The following WDR25 variants were observed in gnomAD, a reference collection of about 807,000 sequenced individuals.
WDR25 encodes WD repeat domain 25, also known as WD repeat-containing protein 25.
Under a neutral mutation model 47.7 loss-of-function variants are expected in WDR25, and 35 were observed. That is an observed-to-expected ratio of 0.73 (90% CI 0.56 to 0.97). The LOEUF is 0.97. Among genes scored for constraint, WDR25 ranks in the 50% least tolerant of loss-of-function variants. WDR25 has a pLI of 0.00. For missense variants in WDR25, 634 were observed against 704.7 expected, an observed-to-expected ratio of 0.90 and a Z score of 1.14; for synonymous variants, 248 against 278.9, an observed-to-expected ratio of 0.89 and a Z score of 1.10.
intron 2 of WDR25, among the ~76,000 whole-genome samples, chr14:100,396,561 T>C (rs1023259377): frequency 1.3e-5 from 2 of 152,178 alleles, no homozygotes; most frequent in South Asian, 4.1e-4. Context: ...TGGCACAAGT[T>C]TGCCCAGTTC....
chr14:100,403,569 G>T (rs181078952), intron 2 of WDR25, among the ~76,000 whole-genome samples: 51 of 152,356 alleles, frequency 3.3e-4, no homozygotes, highest in African/African-American at 1.0e-3. Context: ...ATGGTCAGGA[G>T]ATAGCAGCCC....
intron 2 of WDR25, among the ~76,000 whole-genome samples, chr14:100,396,695 A>G (rs1188975577): frequency 6.6e-6 from 1 of 152,262 alleles, no homozygotes; most frequent in East Asian, 1.9e-4. Flanking sequence ...GATGAAGATC[A>G]TAGGAGAGGC....
chr14:100,390,391 C>CTGTGTGTGTG (rs55802109), intron 2 of WDR25, among the ~76,000 whole-genome samples: 9,695 of 146,572 alleles, frequency 0.066, 359 homozygotes, highest in Non-Finnish European at 0.083. Context: ...TGACCAAAAG[C>CTGTGTGTGTG]TGTGTGTGTG....
In WDR25 at chr14:100,519,810, A is replaced by ATATGTATACTATATGTATATATAG. The variant is rs1901645964; in HGVS notation, c.1102-6056_1102-6033dup. Reference sequence around the variant, plus strand: ...TACTATACTATATGTATATATGTATATATGTATACTATATGTATATATAGT... The same window carrying ATATGTATACTATATGTATATATAG: ...TACTATACTATATGTATATATGTATATATGTATACTATATGTATATATAGTATGTATACTATATGTATATATAGT... On this transcript the variant is annotated intron_variant, in intron 4 of 6. Transcript: ENST00000402312. 2.8e-5 allele frequency among the ~76,000 whole-genome samples: 4 copies of ATATGTATACTATATGTATATATAG among 140,560 alleles called. No individual in the cohort carries two copies. The East Asian group carries it at 6.0e-4, about 21-fold the overall frequency. The allele number at this position is 140,560 out of a possible 152,430, so 92.2% of individuals were successfully genotyped here. A position where few individuals can be genotyped will look rare whatever the true frequency, so the allele number is the denominator to read the frequency against.
At chr14:100,434,349 C>T (rs1445451897) in intron 2 of WDR25, among the ~76,000 whole-genome samples, 1 of 152,176 alleles carries the variant, frequency 6.6e-6, no homozygotes, top group African/African-American at 2.4e-5. Flanking sequence ...TGAAACCTGG[C>T]TTCCTGGTTT....
rs149034175 is a variant in WDR25 at position 100,494,407 on chromosome 14, G to A, written c.1101+10283G>A. Among the ~76,000 whole-genome samples, 85 of 152,264 alleles carry A rather than the reference G, an allele frequency of 5.6e-4. 1 individual carries two copies. The East Asian group carries it at 0.013, about 24-fold the overall frequency. On this transcript the variant is annotated intron_variant, in intron 4 of 6. Transcript: ENST00000402312. Reference sequence around the variant, plus strand: ...TTTAAATTTGCAGCCTGATAATTCCGTCATCACTGCCATATTTGAGTCTAG... The same window carrying A: ...TTTAAATTTGCAGCCTGATAATTCCATCATCACTGCCATATTTGAGTCTAG...
At chr14:100,508,255 G>T (rs1901182622) in intron 4 of WDR25, among the ~76,000 whole-genome samples, 1 of 152,058 alleles carries the variant, frequency 6.6e-6, no homozygotes, top group Non-Finnish European at 1.5e-5. Context: ...AAGAAACTAG[G>T]CCTTGAAGGA....
intron 3 of WDR25, among the ~76,000 whole-genome samples, chr14:100,469,268 G>A (rs1289257240): frequency 6.6e-6 from 1 of 152,240 alleles, no homozygotes; most frequent in East Asian, 1.9e-4. Context: ...AGGGAAAATG[G>A]AGAAGGTGGT....
intron 4 of WDR25, among the ~76,000 whole-genome samples, chr14:100,504,940 T>C (rs888985911): frequency 1.3e-5 from 2 of 152,174 alleles, no homozygotes; most frequent in African/African-American, 2.4e-5. Context: ...TAGTAGTATC[T>C]GATTGTGGCT....
intron 4 of WDR25, among the ~76,000 whole-genome samples, chr14:100,524,159 T>A (rs996513129): frequency 6.6e-6 from 1 of 152,074 alleles, no homozygotes; most frequent in Non-Finnish European, 1.5e-5. Flanking sequence ...TCAAAAAGTT[T>A]GTCTTGGGAG....
chr14:100,463,780 C>A (rs1355333007), intron 2 of WDR25, among the ~76,000 whole-genome samples: 9 of 152,206 alleles, frequency 5.9e-5, no homozygotes, highest in Non-Finnish European at 1.0e-4. Context: ...TGCAACTCCA[C>A]CCCTTTCAGT....
At chr14:100,492,091 G>T (rs913704999) in intron 4 of WDR25, among the ~76,000 whole-genome samples, 4 of 152,198 alleles carry the variant, frequency 2.6e-5, no homozygotes, top group African/African-American at 9.6e-5. Context: ...ACCAGGCATT[G>T]TCCCAGGGCA....
intron 4 of WDR25, among the ~76,000 whole-genome samples, chr14:100,508,761 G>A (rs909100808): frequency 4.6e-5 from 7 of 152,072 alleles, no homozygotes; most frequent in Admixed American, 6.5e-5. Flanking sequence ...GATACCTTAA[G>A]TCAGTTTAAG....
intron 2 of WDR25, among the ~76,000 whole-genome samples, chr14:100,385,477 T>TGCCA (rs1896998267): frequency 6.6e-6 from 1 of 152,150 alleles, no homozygotes; most frequent in Non-Finnish European, 1.5e-5. Context: ...GAACATGGAG[T>TGCCA]GCCAGTTCCT....
chr14:100,435,187 GT>G (rs1439058847), intron 2 of WDR25, among the ~76,000 whole-genome samples: 3 of 152,218 alleles, frequency 2.0e-5, no homozygotes, highest in African/African-American at 4.8e-5. Context: ...GGTCCTAGAG[GT>G]TGAGGCCAGA....
intron 2 of WDR25, among the ~76,000 whole-genome samples, chr14:100,419,035 A>G (rs1209668573): frequency 6.6e-6 from 1 of 152,106 alleles, no homozygotes; most frequent in East Asian, 1.9e-4. Flanking sequence ...TCTGGCGAAC[A>G]TGGGGAAACC....
intron 4 of WDR25, among the ~76,000 whole-genome samples, chr14:100,486,161 GT>G (rs1348723524): frequency 6.6e-6 from 1 of 152,060 alleles, no homozygotes; most frequent in Non-Finnish European, 1.5e-5. Flanking sequence ...ACCGTTTGAA[GT>G]GGGACCTCCT....
chr14:100,512,139 T>G (rs1417001868), intron 4 of WDR25, among the ~76,000 whole-genome samples: 1 of 152,192 alleles, frequency 6.6e-6, no homozygotes, highest in Admixed American at 6.5e-5. Flanking sequence ...AATGTTCATT[T>G]CTCATCAATT....
chr14:100,513,143 C>T (rs1372064607), intron 4 of WDR25, among the ~76,000 whole-genome samples: 1 of 152,030 alleles, frequency 6.6e-6, no homozygotes, highest in Non-Finnish European at 1.5e-5. Context: ...TCTGTTTTTT[C>T]TGTCTATTCT....
Sources: gnomAD v4.1 joint callset for allele counts (sites outside exome capture counted in the v4.1 genomes callset) on GRCh38, gnomAD v4.1.1 for gene constraint, MANE v1.5 for transcripts, NCBI Gene and HGNC (gene_info 2026-07-23, HGNC 2026-07-21) for gene names.